The following WNK1 variants were observed in gnomAD, a reference collection of about 807,000 sequenced individuals.
The protein encoded by WNK1 is serine/threonine-protein kinase WNK1.
Under a neutral mutation model 222.8 loss-of-function variants are expected in WNK1, and 38 were observed. The observed-to-expected ratio is 0.17, with a 90% CI of 0.13 to 0.22. The LOEUF (loss-of-function observed/expected upper bound fraction) is 0.22. Among genes scored for constraint, WNK1 ranks in the 10% least tolerant of loss-of-function variants. The pLI, the probability that WNK1 is intolerant of heterozygous loss-of-function variation, is 1.00. For synonymous variants in WNK1, 1,090 were observed against 1,092.9 expected, an observed-to-expected ratio of 1.00 and a Z score of 0.05; for missense variants, 2,348 against 2,918.4, an observed-to-expected ratio of 0.80 and a Z score of 4.50.
chr12:904,966 G>A (rs1343877029), intron 26 of WNK1, among the ~76,000 whole-genome samples: 1 of 152,204 alleles, frequency 6.6e-6, no homozygotes, highest in Non-Finnish European at 1.5e-5. Context: ...ACTTTAATGA[G>A]AAGGCCACTT....
rs1955165669 is a variant in WNK1, at chr12:900,507, C to G, written c.6480C>G (p.Val2160=). 6.2e-7 allele frequency: 1 copy of G among 1,614,174 alleles called. No homozygotes were observed. Among genetic ancestry groups the G allele is most frequent in the East Asian group, 2.2e-5 (1 of 44,878 alleles). The change falls in exon 26 of 28, where the codon GTC becomes GTG. Residue 2160 remains valine (V), a synonymous_variant. Coordinates refer to ENST00000315939, the MANE Select transcript of WNK1 (RefSeq NM_018979.4). ...TGTCTGGTCAGAGTGCAGCTTCAGT[C>G]TTGCACCCCCAGCAGACCCTCCACC... The part of the protein sequence containing the change: ...GNLSGQSAAS[V]LHPQQTLHPP...
In WNK1 at chr12:856,958, T is replaced by C. The variant is rs2240283; in HGVS notation, c.1312-203T>C. ...TGTCACATATGGAAGTAAGTGACCC[T>C]GCTGTCACTGTTCCATGTTTTCTTG... is the stretch of plus-strand genomic sequence containing the variant. On this transcript the variant is annotated intron_variant, in intron 4 of 27. Transcript: ENST00000315939. 0.75 allele frequency among the ~76,000 whole-genome samples: 113,614 copies of C among 152,076 alleles called. 42,588 individuals carry two copies. The highest frequency in any genetic ancestry group is 0.87 in the East Asian group (4,532 of 5,180).
rs751440793 is a variant in WNK1 at position 885,436 on chromosome 12, C to T, written c.4632C>T (p.Leu1544=). Residue 1544 remains leucine (L), a synonymous_variant, in exon 19 of 28, where the codon CTC becomes CTT. Transcript: ENST00000315939. ...GTACAACTGGATTGGCTTTCTCCCT[C>T]TCTGCACCATCTTCCTCTTCCTCTC... ...HSSTTGLAFS[L]SAPSSSSSPG... 1 of 1,613,820 alleles carries T rather than the reference C, an allele frequency of 6.2e-7. No individual in the cohort carries two copies. The highest frequency in any genetic ancestry group is 8.5e-7 in the Non-Finnish European group (1 of 1,180,044).
intron 20 of WNK1, among the ~76,000 whole-genome samples, chr12:888,334 G>A (rs931640997): frequency 6.6e-6 from 1 of 152,216 alleles, no homozygotes; most frequent in African/African-American, 2.4e-5. Context: ...CATTGTGAAA[G>A]TCCGTAAATC....
chr12:889,279 TG>T (rs1282009509), intron 21 of WNK1, 56 bp downstream of exon 21: 1 of 1,435,026 alleles, frequency 7.0e-7, no homozygotes, highest in Non-Finnish European at 9.8e-7. Context: ...ATTATATGCC[TG>T]GGACACAAAC....
At chr12:789,345 AAGAC>A (rs879829421) in intron 1 of WNK1, among the ~76,000 whole-genome samples, 5 of 152,120 alleles carry the variant, frequency 3.3e-5, no homozygotes, top group Admixed American at 2.0e-4. Flanking sequence ...AATAAAGTAA[AAGAC>A]AGAATTCTTT....
At chr12:778,222 C>T (rs1943315620) in intron 1 of WNK1, among the ~76,000 whole-genome samples, 1 of 152,060 alleles carries the variant, frequency 6.6e-6, no homozygotes, top group Non-Finnish European at 1.5e-5. Context: ...AATTTTAATA[C>T]CTGTGATTGT....
At chr12:800,766 C>T (rs1319842690) in intron 1 of WNK1, among the ~76,000 whole-genome samples, 2 of 152,140 alleles carry the variant, frequency 1.3e-5, no homozygotes, top group African/African-American at 4.8e-5. Flanking sequence ...CAGATGGTAA[C>T]TGGTTTTGTT....
At chr12:892,909 T>C (rs1212749451) in intron 22 of WNK1, among the ~76,000 whole-genome samples, 1 of 152,170 alleles carries the variant, frequency 6.6e-6, no homozygotes, top group Non-Finnish European at 1.5e-5. Context: ...GCACTTTCAT[T>C]GTGGTATATT....
chr12:779,904 C>G (rs1483176461), intron 1 of WNK1, among the ~76,000 whole-genome samples: 2 of 152,140 alleles, frequency 1.3e-5, no homozygotes. Flanking sequence ...GTTTACTTCA[C>G]TGGCTTGATT....
At position 911,295 on chromosome 12, in the gene WNK1, T is replaced by C. The variant is rs1314528999; in HGVS notation, c.*2503T>C. 10 of 398,520 alleles carry C rather than the reference T, an allele frequency of 2.5e-5. No individual in the cohort carries two copies. The highest frequency in any genetic ancestry group is 4.4e-5 in the Non-Finnish European group (10 of 226,072). 24.7% of individuals were successfully genotyped at this position (398,520 alleles called of 1,614,324 possible). On this transcript the variant is annotated 3_prime_UTR_variant, in exon 28 of 28. Coordinates refer to ENST00000315939, the MANE Select transcript of WNK1 (RefSeq NM_018979.4). ...ACACTGTTAAAAATAAAAATAAAAA[T>C]TCAAACTTTGGGGGTTTCTCAGCAG...
intron 2 of WNK1, among the ~76,000 whole-genome samples, chr12:823,863 A>G (rs953291105): frequency 3.3e-5 from 5 of 151,094 alleles, no homozygotes; most frequent in Non-Finnish European, 7.4e-5. Flanking sequence ...ATCAGTCACA[A>G]TGGAAGAACC....
intron 1 of WNK1, among the ~76,000 whole-genome samples, chr12:771,072 A>G (rs1942420829): frequency 1.3e-5 from 2 of 152,050 alleles, no homozygotes; most frequent in Non-Finnish European, 2.9e-5. Flanking sequence ...ATCTCAGCTC[A>G]CTGCAACCTC....
chr12:783,876 G>C (rs1229666882), intron 1 of WNK1, among the ~76,000 whole-genome samples: 2 of 37,710 alleles, frequency 5.3e-5, no homozygotes, highest in African/African-American at 2.3e-4. Context: ...TTTGAGACCA[G>C]GCTAGGCAAC....
intron 1 of WNK1, chr12:781,020 G>C (rs1221426552): frequency 6.6e-6 from 1 of 152,450 alleles, no homozygotes; most frequent in Non-Finnish European, 1.5e-5. Context: ...TTGTGACTTA[G>C]TATATGCACA....
rs1404174344 is a variant in WNK1, at chr12:754,160, C to G, written c.595C>G (p.Gln199Glu). ...SAKEPQEERS[Q>E]QQDDIEELET... ...CAAGGAGCCACAGGAGGAACGGAGC[C>G]AGCAGCAGGATGATATCGAAGAGCT... is the stretch of plus-strand genomic sequence containing the variant. The change falls in exon 1 of 28, where the codon CAG (glutamine) becomes GAG (glutamate). Residue 199 changes from glutamine (Q) to glutamate (E), a missense_variant. Physicochemically the swap from Gln to Glu is conservative, Grantham distance 29. Coordinates refer to ENST00000315939, the MANE Select transcript of WNK1 (RefSeq NM_018979.4). 7 of 1,613,066 alleles carry G rather than the reference C, an allele frequency of 4.3e-6. No individual in the cohort carries two copies. Among genetic ancestry groups the G allele is most frequent in the Non-Finnish European group, 5.9e-6 (7 of 1,180,054 alleles).
intron 8 of WNK1, among the ~76,000 whole-genome samples, chr12:863,417 T>C (rs1951366684): frequency 6.6e-6 from 1 of 152,160 alleles, no homozygotes; most frequent in Non-Finnish European, 1.5e-5. Context: ...TAATTGAGGG[T>C]AGAATAGAAG....
rs576595373 is a variant in WNK1 at position 891,497 on chromosome 12, C to T, written c.5509+984C>T. Among the ~76,000 whole-genome samples, 3 of 151,586 alleles carry T rather than the reference C, an allele frequency of 2.0e-5. No individual in the cohort carries two copies. The South Asian group carries it at 6.2e-4, about 32-fold the overall frequency. ...AACTTGAAAGCCATCTGGAAAAAAGCAAAGGTGGATCACTAGCCTAGACAT... is the reference window on the plus strand; with the variant it reads ...AACTTGAAAGCCATCTGGAAAAAAGTAAAGGTGGATCACTAGCCTAGACAT... On this transcript the variant is annotated intron_variant, in intron 22 of 27. Coordinates refer to ENST00000315939, the MANE Select transcript of WNK1 (RefSeq NM_018979.4).
chr12:895,822 T>C (rs543126003), intron 23 of WNK1, among the ~76,000 whole-genome samples: 1 of 152,308 alleles, frequency 6.6e-6, no homozygotes, highest in East Asian at 1.9e-4. Context: ...TGACATCAAA[T>C]ACGAAAGTAA....
Sources: allele counts gnomAD v4.1 joint callset (sites outside exome capture counted in the v4.1 genomes callset), GRCh38; gene constraint gnomAD v4.1.1; transcripts MANE v1.5; gene names NCBI Gene and HGNC (gene_info 2026-07-23, HGNC 2026-07-21).